Variants in COL17A1 observed in about 807,000 individuals in gnomAD.
COL17A1 encodes collagen alpha-1(XVII) chain.
COL17A1 carries 181 observed loss-of-function variants against 218.4 expected under a neutral mutation model. The ratio of observed to expected loss-of-function variants is 0.83; its 90% CI spans 0.73 to 0.94. The LOEUF is 0.94. Ranked by LOEUF, COL17A1 falls within the 40% of genes least tolerant of loss-of-function variation. COL17A1 has a pLI of 0.00. For synonymous variants in COL17A1, 721 were observed against 731.0 expected (o/e 0.99, Z 0.22); for missense variants, 1,924 against 1,945.9 (o/e 0.99, Z 0.21).
chr10:104,058,249 T>A, intron 15 of COL17A1, 59 bp from the exon 16 acceptor site: 1 of 1,607,272 alleles, frequency 6.2e-7, no homozygotes, highest in South Asian at 1.1e-5. Flanking sequence ...CTGCTCTGCC[T>A]ATGGAGTAGC....
chr10:104,065,461 C>G (rs1328256701), intron 9 of COL17A1, among the ~76,000 whole-genome samples: 1 of 152,216 alleles, frequency 6.6e-6, no homozygotes, highest in Non-Finnish European at 1.5e-5. Flanking sequence ...GCTCATCCTA[C>G]TTGACTGGGA....
chr10:104,053,836 C>T, intron 22 of COL17A1, 84 bp downstream of exon 22: 2 of 819,860 alleles, frequency 2.4e-6, no homozygotes, highest in Non-Finnish European at 4.2e-6. Flanking sequence ...AACAAGGCCT[C>T]ACATACAGCA....
rs2086485857 is a variant in COL17A1, at chr10:104,053,058, G to T, written c.1912C>A (p.Pro638Thr). 3.1e-6 allele frequency: 5 copies of T among 1,613,968 alleles called. No individual in the cohort carries two copies. In the African/African-American group the frequency reaches 6.7e-5, roughly 22 times the overall value. ...CTTTCCCCTTTCTCTCCAGATCCAG[G>T]AGGCCCTGCCTCACCACGAGGTCCC... ...PMGPRGEAGP[P>T]GSGEKGERGA... The change falls in exon 23 of 56, where the codon CCT becomes ACT. Residue 638 changes from proline to threonine, a missense_variant. Pro to Thr is a conservative substitution (Grantham distance 38). Coordinates refer to ENST00000648076, the MANE Select transcript of COL17A1 (RefSeq NM_000494.4).
chr10:104,032,282 C>T lies in COL17A1; in HGVS notation c.4447G>A (p.Val1483Ile), dbSNP rs767463193. ...KGEKGDKGDQ[V>I]YAGRRRRRSI... The stretch of plus-strand genomic sequence containing the variant: ...CTTCTCCTTCTCCGCCCAGCATAGA[C>T]TTGGTCACCTGAAAGTTAGAAGATC... Residue 1483 changes from valine (V) to isoleucine (I), a missense_variant, in exon 56 of 56, where the codon GTC becomes ATC. By Grantham distance (29) the Val-to-Ile change is conservative. Coordinates refer to ENST00000648076, the MANE Select transcript of COL17A1 (RefSeq NM_000494.4). The T allele has an allele frequency of 3.1e-6, 5 of 1,614,036 alleles. No individual in the cohort carries two copies. Among genetic ancestry groups the T allele is most frequent in the Non-Finnish European group, 4.2e-6 (5 of 1,179,890 alleles).
Position 104,077,538 on chromosome 10 carries a change from A to G in COL17A1, c.98-12T>C. On this transcript the variant is annotated splice_polypyrimidine_tract_variant and intron_variant, in intron 3 of 55. Coordinates refer to ENST00000648076, the MANE Select transcript of COL17A1 (RefSeq NM_000494.4). ...GCTGGTCCCGCCTTCTGCCAGGAAC[A>G]AAAGCAGGTGATAATTTCAGGGTGG... The G allele has an allele frequency of 6.2e-7, 1 of 1,603,770 alleles. No individual in the cohort carries two copies. Among genetic ancestry groups the G allele is most frequent in the Non-Finnish European group, 8.5e-7 (1 of 1,174,606 alleles).
In COL17A1 at chr10:104,050,670, G is replaced by A. The variant is rs559460546; in HGVS notation, c.2093-14C>T. On this transcript the variant is annotated splice_polypyrimidine_tract_variant and intron_variant, in intron 26 of 55. Transcript: ENST00000648076. ...GTCCTTTGTCACCTAAAAAGGAAAT[G>A]GACACCTTGGTGTAAAATGCCCTAC... 2 of 1,613,982 alleles carry A rather than the reference G, an allele frequency of 1.2e-6. No individual in the cohort carries two copies. Among genetic ancestry groups the A allele is most frequent in the African/African-American group, 2.7e-5 (2 of 75,008 alleles).
chr10:104,035,189 T>C (rs1257719155), intron 50 of COL17A1, 74 bp downstream of exon 50: 8 of 1,293,576 alleles, frequency 6.2e-6, no homozygotes, highest in Admixed American at 5.8e-5. Context: ...AGACTGCCCT[T>C]GCTAAAGCCC....
Position 104,059,670 on chromosome 10 carries a change from T to C in COL17A1, c.1190A>G (p.Asn397Ser). ...TTCGGCTTTTAGGCCTGAGTCAGCA[T>C]TGTAGGCAGCTTGCTTTTCTTTTTT... ...TLKKEKQAAY[N>S]ADSGLKAEAN... The change falls in exon 15 of 56, where the codon AAT becomes AGT. Residue 397 changes from asparagine to serine, a missense_variant. Coordinates refer to ENST00000648076, the MANE Select transcript of COL17A1 (RefSeq NM_000494.4). 3 of 1,614,254 alleles carry C rather than the reference T, an allele frequency of 1.9e-6. No homozygotes were observed. The highest frequency in any genetic ancestry group is 8.5e-7 in the Non-Finnish European group (1 of 1,180,052).
In COL17A1 at chr10:104,046,853, C is replaced by T. The variant is rs143553878; in HGVS notation, c.2336-80G>A. The stretch of plus-strand genomic sequence containing the variant: ...TAGCCACACCCACACCTGCAGAAAC[C>T]GGTGGACACTGCAGTGGAGGGGTCA... On this transcript the variant is annotated intron_variant, in intron 31 of 55. Transcript: ENST00000648076. 1,328 of 1,353,020 alleles carry T rather than the reference C, an allele frequency of 9.8e-4. 7 individuals carry two copies. In the African/African-American group the frequency reaches 0.014, roughly 14 times the overall value. 83.8% of individuals were successfully genotyped at this position (1,353,020 alleles called of 1,614,324 possible).
intron 7 of COL17A1, among the ~76,000 whole-genome samples, chr10:104,072,549 G>A (rs1335440883): frequency 3.3e-5 from 5 of 152,182 alleles, no homozygotes; most frequent in East Asian, 1.9e-4. Flanking sequence ...TGGAGAATTG[G>A]CATCTTTCAA....
intron 40 of COL17A1, 125 bp from the exon 41 acceptor site, chr10:104,040,124 G>T: frequency 8.5e-7 from 1 of 1,178,222 alleles, no homozygotes; most frequent in Non-Finnish European, 1.3e-6. Flanking sequence ...GGTTCCTTGT[G>T]CCTCTCCTCT....
In COL17A1 at chr10:104,034,045, T is replaced by G; in HGVS notation, c.4056A>C (p.Glu1352Asp). The G allele has an allele frequency of 6.2e-7, 1 of 1,614,166 alleles. No individual in the cohort carries two copies. Among genetic ancestry groups the G allele is most frequent in the Non-Finnish European group, 8.5e-7 (1 of 1,180,026 alleles). ...CGCCATTGCCAGCATACATGCCGCC[T>G]TCTGCTGCTGCCCCATAGCCTCCGC... is the stretch of plus-strand genomic sequence containing the variant. Reference protein sequence around the residue: ...GPGGGYGAAAEGGMYAGNGGL... With the variant: ...GPGGGYGAAADGGMYAGNGGL... Residue 1352 changes from glutamate to aspartate, a missense_variant, in exon 52 of 56, where the codon GAA becomes GAC. By Grantham distance (45) the Glu-to-Asp change is conservative. Coordinates refer to ENST00000648076, the MANE Select transcript of COL17A1 (RefSeq NM_000494.4).
At chr10:104,053,007 G>A in intron 23 of COL17A1, 24 bp downstream of exon 23, 3 of 1,612,808 alleles carry the variant, frequency 1.9e-6, no homozygotes, top group Non-Finnish European at 2.5e-6. Flanking sequence ...AGCTAACTCT[G>A]CCGGTGAAGG....
At chr10:104,049,640 C>T (rs2086447810) in intron 28 of COL17A1, among the ~76,000 whole-genome samples, 169 bp from the exon 29 acceptor site, 1 of 152,206 alleles carries the variant, frequency 6.6e-6, no homozygotes, top group Non-Finnish European at 1.5e-5. Flanking sequence ...CCAGAAACCA[C>T]ACCTAATCAG....
At chr10:104,081,792 A>G (rs2086766903) in intron 1 of COL17A1, among the ~76,000 whole-genome samples, 1 of 152,360 alleles carries the variant, frequency 6.6e-6, no homozygotes, top group African/African-American at 2.4e-5. Context: ...AAGTGGGCAC[A>G]GTGCCTAGGC....
At chr10:104,062,396 C>A in intron 11 of COL17A1, 67 bp from the exon 12 acceptor site, 1 of 1,606,082 alleles carries the variant, frequency 6.2e-7, no homozygotes, top group Non-Finnish European at 8.5e-7. Context: ...TTAGGACGGC[C>A]CCCAGAGTCC....
chr10:104,072,032 A>G lies in COL17A1; in HGVS notation c.463T>C (p.Trp155Arg). 6.2e-7 allele frequency: 1 copy of G among 1,614,026 alleles called. No individual in the cohort carries two copies. The highest frequency in any genetic ancestry group is 8.5e-7 in the Non-Finnish European group (1 of 1,179,992). Residue 155 changes from tryptophan to arginine, a missense_variant and splice_region_variant, in exon 8 of 56, where the codon TGG becomes CGG. Physicochemically the swap from Trp to Arg is moderately radical, Grantham distance 101. Transcript: ENST00000648076. The part of the protein sequence containing the change: ...RLQSASPSTR[W>R]TELDDVKRLL... ...TTTCAGCAAGATCATGACCACTTAC[A>G]TCGGGTGGATGGGGACGCACTCTGC...
intron 53 of COL17A1, 131 bp downstream of exon 53, chr10:104,033,107 G>A: frequency 1.3e-6 from 2 of 1,513,288 alleles, no homozygotes; most frequent in South Asian, 1.2e-5. Context: ...AGAATTTATA[G>A]AATTTGTCTA....
At position 104,045,806 on chromosome 10, in the gene COL17A1, GAACAA is replaced by G; in HGVS notation, c.2363-18_2363-14del. On this transcript the variant is annotated splice_polypyrimidine_tract_variant and intron_variant, in intron 32 of 55. Coordinates refer to ENST00000648076, the MANE Select transcript of COL17A1 (RefSeq NM_000494.4). Reference sequence around the variant, plus strand: ...GTACCGGGAAGTCCTGATGTGATTAGAACAAGTAGTCAGGACGATGAAGGCCCAGC... The same window carrying G: ...GTACCGGGAAGTCCTGATGTGATTAGGTAGTCAGGACGATGAAGGCCCAGC... The G allele has an allele frequency of 6.2e-7, 1 of 1,610,064 alleles. No individual in the cohort carries two copies. The highest frequency in any genetic ancestry group is 8.5e-7 in the Non-Finnish European group (1 of 1,176,204).
Sources: gnomAD v4.1 joint callset for allele counts (sites outside exome capture counted in the v4.1 genomes callset) on GRCh38, gnomAD v4.1.1 for gene constraint, MANE v1.5 for transcripts, NCBI Gene and HGNC (gene_info 2026-07-23, HGNC 2026-07-21) for gene names.